Variants in CCDC33 observed in about 807,000 individuals in gnomAD.
CCDC33 encodes coiled-coil domain-containing protein 33.
A neutral mutation model predicts 91.9 loss-of-function variants in CCDC33; 94 were observed. The observed-to-expected ratio is 1.02, with a 90% CI of 0.87 to 1.21. CCDC33 has a LOEUF of 1.21. Among genes scored for constraint, CCDC33 ranks in the 50% most tolerant of loss-of-function variants. CCDC33 has a pLI of 0.00. For synonymous variants in CCDC33, 396 were observed against 374.5 expected (o/e 1.06, Z -0.66); for missense variants, 940 against 935.5 (o/e 1.00, Z -0.06).
At chr15:74,213,669 C>T (rs758537532), upstream of CCDC33, among the ~76,000 whole-genome samples, 2 of 152,178 alleles carry the variant, frequency 1.3e-5, no homozygotes, top group Admixed American at 6.5e-5. Context: ...ATTTGTGTGA[C>T]GGAGGGAGAC....
At chr15:74,277,705 C>T (rs2142474362) in intron 7 of CCDC33, among the ~76,000 whole-genome samples, 1 of 152,302 alleles carries the variant, frequency 6.6e-6, no homozygotes, top group South Asian at 2.1e-4. Flanking sequence ...GGCTGACCCT[C>T]CCTCCCCAGT....
intron 1 of CCDC33, 87 bp downstream of exon 1, chr15:74,236,827 C>A: frequency 7.4e-7 from 1 of 1,355,550 alleles, no homozygotes; most frequent in South Asian, 1.2e-5. Flanking sequence ...GCTCCTTAAT[C>A]ATGACAAAAG....
intron 11 of CCDC33, among the ~76,000 whole-genome samples, chr15:74,325,508 CA>C (rs1305649343): frequency 6.6e-6 from 1 of 152,060 alleles, no homozygotes; most frequent in Non-Finnish European, 1.5e-5. Flanking sequence ...TCACAGATGT[CA>C]CTGCCATCTC....
At chr15:74,245,644 G>A (rs1402964547) in intron 2 of CCDC33, among the ~76,000 whole-genome samples, 1 of 152,140 alleles carries the variant, frequency 6.6e-6, no homozygotes, top group Non-Finnish European at 1.5e-5. Flanking sequence ...GTTGCCATGG[G>A]AACGCGCGGC....
chr15:74,335,995 C>CT lies in CCDC33; in HGVS notation c.2211dup (p.Lys738Ter). 2 of 1,614,046 alleles carry CT rather than the reference C, an allele frequency of 1.2e-6. No individual in the cohort carries two copies. Among genetic ancestry groups the CT allele is most frequent in the Non-Finnish European group, 1.7e-6 (2 of 1,180,022 alleles). On this transcript the variant is annotated frameshift_variant, in exon 19 of 19. Transcript: ENST00000398814. LOFTEE classifies it low-confidence loss of function (END_TRUNC). ...GAGCCCCTGCTGCCCAGCTCAGACT[C>CT]TAAGCTCAACAAGCCCTTGAGCCCC...
chr15:74,268,651 A>T (rs531309648), intron 5 of CCDC33, among the ~76,000 whole-genome samples, 193 bp downstream of exon 5: 1 of 152,368 alleles, frequency 6.6e-6, no homozygotes, highest in South Asian at 2.1e-4. Flanking sequence ...TTTGGCAGGG[A>T]TGACAAGGAT....
At chr15:74,222,559 T>TA (rs1370411451) in intron 2 of CCDC33, among the ~76,000 whole-genome samples, 50 of 151,144 alleles carry the variant, frequency 3.3e-4, no homozygotes, top group Non-Finnish European at 6.8e-4. Flanking sequence ...TCCTTCCGTT[T>TA]AAAACACCTT....
At chr15:74,263,200 T>A (rs995606262) in intron 3 of CCDC33, among the ~76,000 whole-genome samples, 3 of 152,206 alleles carry the variant, frequency 2.0e-5, no homozygotes, top group African/African-American at 7.2e-5. Context: ...ACTTTCACAC[T>A]GTGGGTCTGT....
chr15:74,328,248 G>A (rs770224230), intron 11 of CCDC33, among the ~76,000 whole-genome samples: 2 of 152,230 alleles, frequency 1.3e-5, no homozygotes, highest in Non-Finnish European at 2.9e-5. Context: ...GGGGCAGCAA[G>A]GAGGAAGAGG....
intron 5 of CCDC33, 59 bp downstream of exon 5, chr15:74,268,517 G>T (rs999122489): frequency 7.6e-7 from 1 of 1,312,204 alleles, no homozygotes; most frequent in Non-Finnish European, 1.1e-6. Flanking sequence ...CAAGCTTTGA[G>T]CAGGCCCCAC....
chr15:74,271,986 C>T (rs2076331532), intron 6 of CCDC33, among the ~76,000 whole-genome samples, 192 bp downstream of exon 6: 1 of 152,206 alleles, frequency 6.6e-6, no homozygotes, highest in African/African-American at 2.4e-5. Context: ...CTTTCTTTCC[C>T]CAGGGAGAGC....
At chr15:74,242,564 A>G (rs2075382670) in intron 1 of CCDC33, among the ~76,000 whole-genome samples, 1 of 152,092 alleles carries the variant, frequency 6.6e-6, no homozygotes, top group African/African-American at 2.4e-5. Context: ...GAGGAGGTCC[A>G]TTGCTCCTCT....
chr15:74,205,736 C>G (rs907567048), intron 1 of CCDC33, among the ~76,000 whole-genome samples: 3 of 152,234 alleles, frequency 2.0e-5, no homozygotes, highest in African/African-American at 7.2e-5. Context: ...AGCCCAGGCA[C>G]AGTCCCTTCC....
intron 11 of CCDC33, among the ~76,000 whole-genome samples, chr15:74,315,517 A>G (rs1257092741): frequency 6.6e-6 from 1 of 152,214 alleles, no homozygotes; most frequent in Admixed American, 6.5e-5. Context: ...TCATCAGGTG[A>G]CTGGTGGTGA....
chr15:74,203,356 G>A, intron 1 of CCDC33: 1 of 284,038 alleles, frequency 3.5e-6, no homozygotes, highest in Non-Finnish European at 5.3e-6. Flanking sequence ...TTGAGGGTGA[G>A]CAAGGGAAGG....
At chr15:74,214,631 A>G (rs1019399446), upstream of CCDC33, among the ~76,000 whole-genome samples, 15 of 152,158 alleles carry the variant, frequency 9.9e-5, 1 homozygote, top group Admixed American at 9.2e-4. Flanking sequence ...AGATTTCTAC[A>G]TAGAACTGAG....
rs578100199 is a variant in CCDC33 at position 74,236,767 on chromosome 15, C to G, written c.21+27C>G. 146 of 1,612,272 alleles carry G rather than the reference C, an allele frequency of 9.1e-5. 2 individuals carry two copies. In the South Asian group the frequency reaches 1.5e-3, roughly 16 times the overall value. On this transcript the variant is annotated intron_variant, in intron 1 of 18. Transcript: ENST00000398814. ...TAAGGCCAGGGGCATGGGCCATGCA[C>G]CTGCATGAATCCGTCCCTCCTTCAA...
chr15:74,209,381 C>G, intron 1 of CCDC33: 1 of 1,535,648 alleles, frequency 6.5e-7, no homozygotes, highest in Non-Finnish European at 8.7e-7. Flanking sequence ...CCATCCATCA[C>G]TCCCAGGGGG....
intron 6 of CCDC33, among the ~76,000 whole-genome samples, chr15:74,272,285 GGAGT>G (rs2076339547): frequency 6.6e-6 from 1 of 152,126 alleles, no homozygotes; most frequent in Non-Finnish European, 1.5e-5. Flanking sequence ...CCTGCCGGGC[GGAGT>G]CTCCTCCCTC....
Sources: gnomAD v4.1 joint callset for allele counts (sites outside exome capture counted in the v4.1 genomes callset) on GRCh38, gnomAD v4.1.1 for gene constraint, MANE v1.5 for transcripts, NCBI Gene and HGNC (gene_info 2026-07-23, HGNC 2026-07-21) for gene names.